The following KCNK1 variants were observed in gnomAD, a reference collection of about 807,000 sequenced individuals.
The protein encoded by KCNK1 is potassium channel subfamily K member 1.
KCNK1 carries 10 observed loss-of-function variants against 22.2 expected under a neutral mutation model. The ratio of observed to expected loss-of-function variants is 0.45; its 90% CI spans 0.28 to 0.76. KCNK1 has a LOEUF of 0.76. Ranked by LOEUF, KCNK1 falls within the 30% of genes least tolerant of loss-of-function variation. KCNK1 has a pLI of 0.14. For synonymous variants in KCNK1, 200 were observed against 186.4 expected (o/e 1.07, Z -0.60); for missense variants, 378 against 421.0 (o/e 0.90, Z 0.89).
At chr1:233,629,197 G>A (rs1455248308) in intron 1 of KCNK1, among the ~76,000 whole-genome samples, 1 of 152,160 alleles carries the variant, frequency 6.6e-6, no homozygotes, top group Admixed American at 6.5e-5. Context: ...AGCTGCATAG[G>A]GTGTAGAGAC....
intron 1 of KCNK1, among the ~76,000 whole-genome samples, chr1:233,649,451 A>G (rs553375653): frequency 1.3e-5 from 2 of 152,212 alleles, no homozygotes; most frequent in Admixed American, 1.3e-4. Context: ...TAGACTGGAG[A>G]TATTTTTCCT....
Position 233,671,319 on chromosome 1 carries a change from T to C in KCNK1, c.800T>C (p.Phe267Ser). 6.2e-7 allele frequency: 1 copy of C among 1,614,200 alleles called. No homozygotes were observed. Among genetic ancestry groups the C allele is most frequent in the Non-Finnish European group, 8.5e-7 (1 of 1,180,014 alleles). ...LIAMLVVLET[F>S]CELHELKKFR... Reference sequence around the variant, plus strand: ...GCCATGTTGGTAGTTCTGGAAACCTTCTGTGAACTCCATGAGCTGAAAAAA... The same window carrying C: ...GCCATGTTGGTAGTTCTGGAAACCTCCTGTGAACTCCATGAGCTGAAAAAA... Residue 267 changes from phenylalanine to serine, a missense_variant, in exon 3 of 3, where the codon TTC (phenylalanine) becomes TCC (serine). Physicochemically the swap from Phe to Ser is radical, Grantham distance 155. Coordinates refer to ENST00000366621, the MANE Select transcript of KCNK1 (RefSeq NM_002245.4).
intron 2 of KCNK1, among the ~76,000 whole-genome samples, chr1:233,670,190 C>T (rs752018410): frequency 6.6e-6 from 1 of 152,008 alleles, no homozygotes; most frequent in Non-Finnish European, 1.5e-5. Context: ...TCACAGATTC[C>T]AAGCAATACA....
intron 1 of KCNK1, among the ~76,000 whole-genome samples, chr1:233,628,705 A>G (rs664292): frequency 0.79 from 119,282 of 151,626 alleles, 47,334 homozygotes; most frequent in African/African-American, 0.88. Context: ...TTTGCAGTGA[A>G]CTGAGATTGT....
intron 1 of KCNK1, among the ~76,000 whole-genome samples, chr1:233,625,637 TG>T (rs1222731504): frequency 3.9e-5 from 6 of 152,092 alleles, no homozygotes; most frequent in African/African-American, 1.4e-4. Flanking sequence ...TGGTGATAGG[TG>T]CTCAGGAACA....
At chr1:233,632,441 G>A (rs1764667) in intron 1 of KCNK1, among the ~76,000 whole-genome samples, 56,539 of 151,968 alleles carry the variant, frequency 0.37, 13,634 homozygotes, top group African/African-American at 0.7. Flanking sequence ...ATGAACCTCA[G>A]GGTTCATTTT....
chr1:233,618,092 G>A (rs555558878), intron 1 of KCNK1, among the ~76,000 whole-genome samples: 1 of 152,260 alleles, frequency 6.6e-6, no homozygotes, highest in East Asian at 1.9e-4. Context: ...TTGTAATGAG[G>A]GTCTTCTTCA....
chr1:233,668,641 T>G (rs1235891401), intron 2 of KCNK1, among the ~76,000 whole-genome samples: 2 of 152,174 alleles, frequency 1.3e-5, no homozygotes, highest in East Asian at 3.8e-4. Flanking sequence ...GTTTCATTCT[T>G]ATTGCCTAGG....
intron 1 of KCNK1, among the ~76,000 whole-genome samples, chr1:233,654,401 TGCC>T (rs1658253890): frequency 1.3e-5 from 2 of 152,218 alleles, no homozygotes; most frequent in African/African-American, 2.4e-5. Context: ...GGCTGAATTG[TGCC>T]TGTATTCTAG....
At position 233,631,373 on chromosome 1, in the gene KCNK1, C is replaced by A. The variant is rs1189388176; in HGVS notation, c.355+16847C>A. On this transcript the variant is annotated intron_variant, in intron 1 of 2. Coordinates refer to ENST00000366621, the MANE Select transcript of KCNK1 (RefSeq NM_002245.4). The stretch of plus-strand genomic sequence containing the variant: ...CCCTGAGACACAGAATTTAATTAGG[C>A]CTGCTTCTTTGTGTTTCTCTTTAAT... 4 of 481,978 alleles carry A rather than the reference C, an allele frequency of 8.3e-6. No homozygotes were observed. In the East Asian group the frequency reaches 2.4e-4, roughly 29 times the overall value. The allele number at this position is 481,978 out of a possible 1,614,324, so 29.9% of individuals were successfully genotyped here.
chr1:233,615,316 C>T (rs530234903), intron 1 of KCNK1, among the ~76,000 whole-genome samples: 144 of 152,322 alleles, frequency 9.5e-4, no homozygotes, highest in Non-Finnish European at 1.9e-3. Flanking sequence ...GCGCCACGTC[C>T]CCGTACGACT....
At chr1:233,663,771 C>T (rs1487930119) in intron 1 of KCNK1, among the ~76,000 whole-genome samples, 3 of 151,978 alleles carry the variant, frequency 2.0e-5, no homozygotes, top group African/African-American at 7.3e-5. Flanking sequence ...TTGTTAATAT[C>T]TCCTAACACT....
intron 1 of KCNK1, among the ~76,000 whole-genome samples, chr1:233,662,483 C>T (rs1658414362): frequency 6.6e-6 from 1 of 152,174 alleles, no homozygotes; most frequent in Admixed American, 6.5e-5. Flanking sequence ...GTGACTTGCT[C>T]TGATGTACTC....
intron 1 of KCNK1, among the ~76,000 whole-genome samples, chr1:233,646,401 T>G (rs1289069817): frequency 6.6e-6 from 1 of 152,080 alleles, no homozygotes; most frequent in African/African-American, 2.4e-5. Context: ...GCACCGTATT[T>G]AAAGGCATGG....
chr1:233,631,824 A>G (rs1657803269), intron 1 of KCNK1, among the ~76,000 whole-genome samples: 2 of 152,066 alleles, frequency 1.3e-5, no homozygotes, highest in East Asian at 3.9e-4. Context: ...TTTTTAAGCA[A>G]GTAATTCTCC....
At chr1:233,665,098 C>G (rs779117461) in intron 1 of KCNK1, among the ~76,000 whole-genome samples, 9 of 152,132 alleles carry the variant, frequency 5.9e-5, no homozygotes, top group Non-Finnish European at 1.3e-4. Context: ...GAAAGTAAAA[C>G]AGACATGTGT....
chr1:233,670,489 G>A (rs1394441707), intron 2 of KCNK1, among the ~76,000 whole-genome samples: 1 of 152,222 alleles, frequency 6.6e-6, no homozygotes, highest in Non-Finnish European at 1.5e-5. Context: ...TGGACTTACA[G>A]TTCCATGTGG....
At chr1:233,631,502 T>C (rs1285256331) in intron 1 of KCNK1, 3 of 342,464 alleles carry the variant, frequency 8.8e-6, no homozygotes, top group African/African-American at 4.4e-5. Context: ...AGCTTGCCAT[T>C]AATCTAACTG....
In KCNK1 at chr1:233,667,004, C is replaced by A; in HGVS notation, c.751+14C>A. Reference sequence around the variant, plus strand: ...TTGGGATCACGTGTGAGTATTACAGCTCCCTGGCTGCTCCTTCTGTCTCCT... The same window carrying A: ...TTGGGATCACGTGTGAGTATTACAGATCCCTGGCTGCTCCTTCTGTCTCCT... On this transcript the variant is annotated intron_variant, in intron 2 of 2. Coordinates refer to ENST00000366621, the MANE Select transcript of KCNK1 (RefSeq NM_002245.4). 6.5e-7 allele frequency: 1 copy of A among 1,546,430 alleles called. No individual in the cohort carries two copies.
Sources: allele counts gnomAD v4.1 joint callset (sites outside exome capture counted in the v4.1 genomes callset), GRCh38; gene constraint gnomAD v4.1.1; transcripts MANE v1.5; gene names NCBI Gene and HGNC (gene_info 2026-07-23, HGNC 2026-07-21).